Variants in HCN1 observed in about 807,000 individuals in gnomAD.
The protein encoded by HCN1 is hyperpolarization activated cyclic nucleotide gated potassium channel 1.
Under a neutral mutation model 78.9 loss-of-function variants are expected in HCN1, and 13 were observed. That is an observed-to-expected ratio of 0.16 (90% CI 0.11 to 0.26). The LOEUF (loss-of-function observed/expected upper bound fraction) is 0.26, where lower values mean the gene tolerates loss of function less well. HCN1 is among the 10% of genes least tolerant of loss of function. HCN1 has a pLI of 1.00. For synonymous variants in HCN1, 552 were observed against 455.5 expected, an observed-to-expected ratio of 1.21 and a Z score of -2.70; for missense variants, 810 against 1,154.3, an observed-to-expected ratio of 0.70 and a Z score of 4.32.
chr5:45,575,792 A>G (rs1429964514), intron 2 of HCN1: 1 of 152,170 alleles, frequency 6.6e-6, no homozygotes, highest in African/African-American at 2.4e-5. Context: ...AAGATGTACA[A>G]GGAGATTAAT....
intron 2 of HCN1, among the ~76,000 whole-genome samples, chr5:45,588,030 G>A (rs1161882823): frequency 6.6e-6 from 1 of 152,124 alleles, no homozygotes; most frequent in African/African-American, 2.4e-5. Context: ...CCTGATCTCA[G>A]ACATCAAATC....
At chr5:45,402,853 T>TTCCC (rs1739848873) in intron 3 of HCN1, among the ~76,000 whole-genome samples, 1 of 146,818 alleles carries the variant, frequency 6.8e-6, no homozygotes, top group African/African-American at 2.6e-5. Context: ...CCTTCCTTCC[T>TTCCC]TCCTTCCTTC....
intron 2 of HCN1, among the ~76,000 whole-genome samples, chr5:45,526,456 G>A (rs1487764504): frequency 2.6e-5 from 4 of 151,958 alleles, no homozygotes; most frequent in Non-Finnish European, 5.9e-5. Flanking sequence ...AACCTGTCTA[G>A]TGCCTCTTAG....
chr5:45,321,596 C>T (rs535327992), intron 5 of HCN1, among the ~76,000 whole-genome samples: 1 of 151,864 alleles, frequency 6.6e-6, no homozygotes, highest in South Asian at 2.1e-4. Flanking sequence ...CTTCTTTAAT[C>T]TAAAATTTTG....
At chr5:45,695,609 G>C in intron 1 of HCN1, 60 bp downstream of exon 1, 1 of 1,551,916 alleles carries the variant, frequency 6.4e-7, no homozygotes, top group Middle Eastern at 1.9e-4. Flanking sequence ...CCCAAGGGCG[G>C]GGAAGCGCGT....
At chr5:45,620,334 C>A (rs1054135206) in intron 2 of HCN1, among the ~76,000 whole-genome samples, 2 of 151,806 alleles carry the variant, frequency 1.3e-5, no homozygotes, top group African/African-American at 2.4e-5. Context: ...GTACAATGTA[C>A]AATATACCCA....
intron 2 of HCN1, among the ~76,000 whole-genome samples, chr5:45,605,300 T>C (rs1273991308): frequency 6.6e-6 from 1 of 152,020 alleles, no homozygotes; most frequent in Non-Finnish European, 1.5e-5. Context: ...TCTTTAACTC[T>C]AGAATTGTTT....
chr5:45,544,958 T>C (rs1426430395), intron 2 of HCN1, among the ~76,000 whole-genome samples: 7 of 152,144 alleles, frequency 4.6e-5, no homozygotes, highest in African/African-American at 7.2e-5. Context: ...CCTTTGGGTA[T>C]ATACCAGTAA....
chr5:45,655,599 T>TCA (rs1179550766), intron 1 of HCN1, among the ~76,000 whole-genome samples: 1 of 152,130 alleles, frequency 6.6e-6, no homozygotes, highest in Non-Finnish European at 1.5e-5. Flanking sequence ...ACAACTCTTT[T>TCA]CACAAGAGAA....
intron 2 of HCN1, among the ~76,000 whole-genome samples, chr5:45,470,034 G>A (rs1741358905): frequency 6.6e-6 from 1 of 151,942 alleles, no homozygotes; most frequent in Non-Finnish European, 1.5e-5. Flanking sequence ...ACTCTATAGG[G>A]GAGATAACAG....
chr5:45,400,565 A>C (rs903944320), intron 3 of HCN1, among the ~76,000 whole-genome samples: 1 of 151,458 alleles, frequency 6.6e-6, no homozygotes, highest in Non-Finnish European at 1.5e-5. Context: ...CTAATTTTGC[A>C]TTTTTAGTAG....
chr5:45,342,891 G>T (rs1167506853), intron 5 of HCN1, among the ~76,000 whole-genome samples: 1 of 152,038 alleles, frequency 6.6e-6, no homozygotes, highest in Non-Finnish European at 1.5e-5. Flanking sequence ...GACAAAAGTG[G>T]AGAAAACAAA....
At chr5:45,414,260 C>T (rs1294421215) in intron 3 of HCN1, among the ~76,000 whole-genome samples, 1 of 151,962 alleles carries the variant, frequency 6.6e-6, no homozygotes, top group Non-Finnish European at 1.5e-5. Context: ...ATTTGTTAAT[C>T]TTGTCTCCCT....
At chr5:45,372,870 G>A (rs1487586883) in intron 4 of HCN1, among the ~76,000 whole-genome samples, 1 of 140,798 alleles carries the variant, frequency 7.1e-6, no homozygotes, top group South Asian at 2.2e-4. Context: ...ACAAAAATAT[G>A]TACGTATTCT....
At chr5:45,397,527 AT>A (rs1187757148) in intron 3 of HCN1, among the ~76,000 whole-genome samples, 1 of 151,902 alleles carries the variant, frequency 6.6e-6, no homozygotes, top group Non-Finnish European at 1.5e-5. Flanking sequence ...AATTTAAATT[AT>A]TTTTTGGATA....
At chr5:45,689,590 T>C (rs1460928517) in intron 1 of HCN1, among the ~76,000 whole-genome samples, 1 of 152,092 alleles carries the variant, frequency 6.6e-6, no homozygotes, top group Non-Finnish European at 1.5e-5. Context: ...TAATGTCACA[T>C]TAAAATCTTA....
chr5:45,585,174 G>A (rs987807117), intron 2 of HCN1, among the ~76,000 whole-genome samples: 1 of 152,208 alleles, frequency 6.6e-6, no homozygotes, highest in Non-Finnish European at 1.5e-5. Flanking sequence ...CCAATCAGAT[G>A]TAGATTTGGC....
At chr5:45,493,709 C>G (rs1274214546) in intron 2 of HCN1, among the ~76,000 whole-genome samples, 2 of 151,698 alleles carry the variant, frequency 1.3e-5, no homozygotes, top group Non-Finnish European at 2.9e-5. Context: ...ACTAACTCGT[C>G]ATCTAGCATT....
chr5:45,460,262 T>C (rs959002271), intron 3 of HCN1, among the ~76,000 whole-genome samples: 1 of 152,144 alleles, frequency 6.6e-6, no homozygotes, highest in Non-Finnish European at 1.5e-5. Context: ...TTCAGAAGTA[T>C]GTTCCTGCCG....
Sources: allele counts gnomAD v4.1 joint callset (sites outside exome capture counted in the v4.1 genomes callset), GRCh38; gene constraint gnomAD v4.1.1; transcripts MANE v1.5; gene names NCBI Gene and HGNC (gene_info 2026-07-23, HGNC 2026-07-21).